Variants in APBB1IP observed in about 807,000 individuals in gnomAD.
APBB1IP encodes amyloid beta A4 precursor protein-binding family B member 1-interacting protein.
In APBB1IP, 27 loss-of-function variants were observed where a neutral mutation model predicts 64.9. The observed-to-expected ratio is 0.42, with a 90% CI of 0.31 to 0.57. APBB1IP has a LOEUF of 0.57. Among genes scored for constraint, APBB1IP ranks in the 20% least tolerant of loss-of-function variants. APBB1IP has a pLI of 0.20. For synonymous variants in APBB1IP, 392 were observed against 331.0 expected (o/e 1.18, Z -2.00); for missense variants, 812 against 845.5 (o/e 0.96, Z 0.49).
At chr10:26,514,454 A>C (rs1836299399) in intron 8 of APBB1IP, among the ~76,000 whole-genome samples, 1 of 152,194 alleles carries the variant, frequency 6.6e-6, no homozygotes. Flanking sequence ...AAAAAGCATA[A>C]ATTTATATTT....
In APBB1IP at chr10:26,480,183, C is replaced by T. The variant is rs571663831; in HGVS notation, c.1-12144C>T. 8.5e-5 allele frequency among the ~76,000 whole-genome samples: 13 copies of T among 152,224 alleles called. No individual in the cohort carries two copies. In the South Asian group the frequency reaches 1.2e-3, roughly 15 times the overall value. ...ATTGGGACATGAGATCTAATGTCCA[C>T]GAAATGCATCATGGGAGGGCTTTTG... On this transcript the variant is annotated intron_variant, in intron 2 of 14. Coordinates refer to ENST00000376236, the MANE Select transcript of APBB1IP (RefSeq NM_019043.4).
intron 11 of APBB1IP, among the ~76,000 whole-genome samples, chr10:26,545,793 C>G (rs76767356): frequency 5.1e-5 from 1 of 19,664 alleles, no homozygotes. Flanking sequence ...AAAAAAAAAC[C>G]ACAAAAATTA....
chr10:26,502,289 C>T lies in APBB1IP; in HGVS notation c.454-908C>T, dbSNP rs185529592. Among the ~76,000 whole-genome samples, 17 of 152,338 alleles carry T rather than the reference C, an allele frequency of 1.1e-4. No individual in the cohort carries two copies. The East Asian group carries it at 3.3e-3, about 29-fold the overall frequency. ...CTCATAAAATACTTCACTCACTTTT[C>T]AGCCTGTTCATATGAGCTTGTCAGT... On this transcript the variant is annotated intron_variant, in intron 5 of 14. Transcript: ENST00000376236.
intron 2 of APBB1IP, among the ~76,000 whole-genome samples, chr10:26,454,244 C>A (rs1217499043): frequency 6.6e-6 from 1 of 152,076 alleles, no homozygotes; most frequent in Non-Finnish European, 1.5e-5. Flanking sequence ...AATTCAAGAC[C>A]AGCCTGGCCA....
chr10:26,558,140 AACAC>A (rs58025187), intron 11 of APBB1IP, among the ~76,000 whole-genome samples: 573 of 148,976 alleles, frequency 3.8e-3, no homozygotes, highest in Middle Eastern at 6.8e-3. Flanking sequence ...CACACACACA[AACAC>A]ACACACACAC....
At chr10:26,442,533 C>T (rs953242679) in intron 2 of APBB1IP, among the ~76,000 whole-genome samples, 2 of 152,070 alleles carry the variant, frequency 1.3e-5, no homozygotes, top group African/African-American at 2.4e-5. Context: ...CTGTGTTTCC[C>T]CAAACCGACT....
chr10:26,541,211 T>C (rs764110774), intron 10 of APBB1IP, among the ~76,000 whole-genome samples: 33 of 152,236 alleles, frequency 2.2e-4, no homozygotes, highest in Non-Finnish European at 4.0e-4. Context: ...TAATTGTACA[T>C]ATGCATAACG....
At chr10:26,497,461 G>T (rs1428610039) in intron 4 of APBB1IP, among the ~76,000 whole-genome samples, 1 of 151,288 alleles carries the variant, frequency 6.6e-6, no homozygotes, top group East Asian at 2.0e-4. Flanking sequence ...TGAGGCAGGA[G>T]AATGGTGTGA....
chr10:26,567,656 A>G lies in APBB1IP; in HGVS notation c.*168A>G, dbSNP rs1170432229. On this transcript the variant is annotated 3_prime_UTR_variant, in exon 15 of 15. Transcript: ENST00000376236. ...AACCATTAACCCAGTAGAGTTCAGAATATCTGCCCAAATGTACATATCGTT... is the reference window on the plus strand; with the variant it reads ...AACCATTAACCCAGTAGAGTTCAGAGTATCTGCCCAAATGTACATATCGTT... 3 of 1,369,872 alleles carry G rather than the reference A, an allele frequency of 2.2e-6. No individual in the cohort carries two copies. Among genetic ancestry groups the G allele is most frequent in the South Asian group, 1.3e-5 (1 of 77,168 alleles). The allele number at this position is 1,369,872 out of a possible 1,614,324, so 84.9% of individuals were successfully genotyped here.
chr10:26,456,804 A>G (rs945965956), intron 2 of APBB1IP, among the ~76,000 whole-genome samples: 3 of 151,774 alleles, frequency 2.0e-5, no homozygotes, highest in Non-Finnish European at 4.4e-5. Context: ...AATAATTACA[A>G]AAGAAAAGAA....
chr10:26,452,698 G>A (rs10047274), intron 2 of APBB1IP, among the ~76,000 whole-genome samples: 60,667 of 151,740 alleles, frequency 0.4, 12,264 homozygotes, highest in South Asian at 0.5. Flanking sequence ...TATATTTAGG[G>A]GGTACAAGTG....
chr10:26,560,835 C>G lies in APBB1IP; in HGVS notation c.1360C>G (p.Pro454Ala), dbSNP rs1418686980. Reference sequence around the variant, plus strand: ...AGTCAATGCAGCTGCACCAGCTCAGCCATCTACAGGTACTAAGTGGAGGAG... The same window carrying G: ...AGTCAATGCAGCTGCACCAGCTCAGGCATCTACAGGTACTAAGTGGAGGAG... ...GTVNAAAPAQ[P>A]STGPKTGTTQ... The change falls in exon 13 of 15, where the codon CCA (proline) becomes GCA (alanine). Residue 454 changes from proline to alanine, a missense_variant. Pro to Ala is a conservative substitution (Grantham distance 27). Around this residue, in one of 3 missense-constraint regions of APBB1IP, gnomAD observed 381 missense variants for 352.1 expected, o/e 1.08. Coordinates refer to ENST00000376236, the MANE Select transcript of APBB1IP (RefSeq NM_019043.4). 26 of 1,592,746 alleles carry G rather than the reference C, an allele frequency of 1.6e-5. No homozygotes were observed. The highest frequency in any genetic ancestry group is 2.2e-5 in the Non-Finnish European group (26 of 1,170,278).
At chr10:26,500,724 C>T (rs1836086116) in intron 4 of APBB1IP, 95 bp from the exon 5 acceptor site, 1 of 1,196,736 alleles carries the variant, frequency 8.4e-7, no homozygotes. Context: ...ATAATGATTC[C>T]TTTCTACTCA....
intron 6 of APBB1IP, among the ~76,000 whole-genome samples, chr10:26,510,051 C>A (rs1175819231): frequency 6.6e-6 from 1 of 152,150 alleles, no homozygotes; most frequent in African/African-American, 2.4e-5. Context: ...CTCACTGCAA[C>A]CTCTGCCTCC....
At chr10:26,483,538 A>AC (rs759563122) in intron 2 of APBB1IP, among the ~76,000 whole-genome samples, 1 of 152,036 alleles carries the variant, frequency 6.6e-6, no homozygotes, top group Non-Finnish European at 1.5e-5. Flanking sequence ...CTCTCTCTCA[A>AC]CCCCAGCCAT....
At chr10:26,462,405 G>A (rs1835603668) in intron 2 of APBB1IP, among the ~76,000 whole-genome samples, 1 of 152,114 alleles carries the variant, frequency 6.6e-6, no homozygotes, top group Admixed American at 6.6e-5. Flanking sequence ...ATCAAGTTAA[G>A]GAAAACACTA....
intron 2 of APBB1IP, among the ~76,000 whole-genome samples, chr10:26,448,325 C>A (rs1214076098): frequency 2.0e-5 from 3 of 152,092 alleles, no homozygotes; most frequent in African/African-American, 7.2e-5. Context: ...TTATAGGCAT[C>A]CTGCCAGTAA....
intron 2 of APBB1IP, among the ~76,000 whole-genome samples, chr10:26,447,497 A>G (rs1835415141): frequency 6.6e-6 from 1 of 152,040 alleles, no homozygotes; most frequent in African/African-American, 2.4e-5. Flanking sequence ...ATGCAGTGGG[A>G]AAGGAAATGG....
chr10:26,528,259 C>T (rs1020810674), intron 8 of APBB1IP, among the ~76,000 whole-genome samples: 30 of 152,166 alleles, frequency 2.0e-4, no homozygotes, highest in African/African-American at 6.3e-4. Context: ...GAACTGGGAG[C>T]GATGGTCTGA....
Sources: gnomAD v4.1 joint callset for allele counts (sites outside exome capture counted in the v4.1 genomes callset) on GRCh38, gnomAD v4.1.1 for gene constraint, gnomAD v4.1.1 regional missense constraint, MANE v1.5 for transcripts, NCBI Gene and HGNC (gene_info 2026-07-23, HGNC 2026-07-21) for gene names.